ITPR1: variants seen among roughly 807,000 people sequenced by gnomAD.
ITPR1 encodes inositol 1,4,5-trisphosphate receptor type 1.
In ITPR1, 96 loss-of-function variants were observed where a neutral mutation model predicts 318.4. The ratio of observed to expected loss-of-function variants is 0.30; its 90% confidence interval spans 0.26 to 0.36. The LOEUF is 0.36. ITPR1 is among the 10% of genes least tolerant of loss of function. ITPR1 has a pLI of 1.00. For missense variants in ITPR1, 2,440 were observed against 3,460.2 expected (o/e 0.71, Z 7.40); for synonymous variants, 1,312 against 1,289.9 (o/e 1.02, Z -0.37).
chr3:4,495,464 G>A (rs540833366), intron 2 of ITPR1, among the ~76,000 whole-genome samples: 4 of 152,280 alleles, frequency 2.6e-5, no homozygotes, highest in South Asian at 2.1e-4. Flanking sequence ...GAGTACTGGC[G>A]GAGTGAGAAG....
Position 4,498,454 on chromosome 3 carries a change from A to G in ITPR1, c.-17+3948A>G, listed in dbSNP as rs114624817. Among the ~76,000 whole-genome samples, 1,444 of 152,292 alleles carry G rather than the reference A, an allele frequency of 9.5e-3. 23 individuals carry two copies. Among genetic ancestry groups the G allele is most frequent in the African/African-American group, 0.033 (1,365 of 41,564 alleles). On this transcript the variant is annotated intron_variant, in intron 2 of 61. Transcript: ENST00000649015. ...GGCCAGGGGAGAGTGCTAGGAGTTC[A>G]GGAGGGAGAGGGAGTCAAGGTCCAG... is the stretch of plus-strand genomic sequence containing the variant.
At position 4,836,664 on chromosome 3, in the gene ITPR1, C is replaced by A. The variant is rs183802415; in HGVS notation, c.8029-110C>A. 1.4e-3 allele frequency: 1,555 copies of A among 1,089,382 alleles called. 3 individuals are homozygous for A. Among genetic ancestry groups the A allele is most frequent in the Non-Finnish European group, 1.7e-3 (1,469 of 842,992 alleles). 67.5% of individuals were successfully genotyped at this position (1,089,382 alleles called of 1,614,324 possible). A position where few individuals can be genotyped will look rare whatever the true frequency, so the allele number is the denominator to read the frequency against. On this transcript the variant is annotated intron_variant, in intron 60 of 61. Coordinates refer to ENST00000649015, the MANE Select transcript of ITPR1 (RefSeq NM_001378452.1). The stretch of plus-strand genomic sequence containing the variant: ...TAAGTTCTGCCATAGAAGGAGATAA[C>A]CTAATGAGAGTTAGGAAACATGGCA...
intron 46 of ITPR1, among the ~76,000 whole-genome samples, chr3:4,773,971 T>C (rs2046337150): frequency 6.6e-6 from 1 of 152,250 alleles, no homozygotes; most frequent in Admixed American, 6.5e-5. Flanking sequence ...ACAAATGTTT[T>C]AATTATACAA....
intron 10 of ITPR1, among the ~76,000 whole-genome samples, chr3:4,651,484 G>A (rs183269184): frequency 6.6e-6 from 1 of 152,304 alleles, no homozygotes; most frequent in East Asian, 1.9e-4. Flanking sequence ...AGCTGGCCTT[G>A]TTTGTTTCCC....
chr3:4,564,347 T>G (rs2086999256), intron 4 of ITPR1, among the ~76,000 whole-genome samples: 1 of 152,246 alleles, frequency 6.6e-6, no homozygotes. Flanking sequence ...GCTGTATTTC[T>G]TCTGCCTTCA....
intron 4 of ITPR1, among the ~76,000 whole-genome samples, chr3:4,573,849 G>A (rs6785564): frequency 0.82 from 124,104 of 152,180 alleles, 51,149 homozygotes; most frequent in South Asian, 0.92. Context: ...TTCTGACATC[G>A]TAGTGTATTT....
chr3:4,571,554 G>A (rs1266445676), intron 4 of ITPR1, among the ~76,000 whole-genome samples: 1 of 152,004 alleles, frequency 6.6e-6, no homozygotes, highest in Middle Eastern at 3.2e-3. Context: ...GGCTGGTCTT[G>A]AACTCCTGGG....
chr3:4,612,574 T>C (rs1386879954), intron 4 of ITPR1, among the ~76,000 whole-genome samples: 1 of 152,006 alleles, frequency 6.6e-6, no homozygotes, highest in Non-Finnish European at 1.5e-5. Flanking sequence ...CTCATTTCAT[T>C]AGAGATTACA....
intron 5 of ITPR1, among the ~76,000 whole-genome samples, chr3:4,638,761 A>C (rs1251988692): frequency 6.6e-6 from 1 of 152,216 alleles, no homozygotes; most frequent in Non-Finnish European, 1.5e-5. Flanking sequence ...TAAAAGTGGG[A>C]TAATAATGTT....
intron 2 of ITPR1, among the ~76,000 whole-genome samples, chr3:4,512,884 C>T (rs1010731644): frequency 2.0e-5 from 3 of 152,046 alleles, no homozygotes; most frequent in Non-Finnish European, 2.9e-5. Context: ...GGGCAGAGAG[C>T]CAGGGTGGAG....
intron 44 of ITPR1, among the ~76,000 whole-genome samples, chr3:4,754,153 T>C (rs140270221): frequency 1.3e-5 from 2 of 152,112 alleles, no homozygotes; most frequent in East Asian, 3.9e-4. Context: ...TTGGTGTTGA[T>C]TCATTGTCCC....
chr3:4,800,139 A>G (rs2048131749), intron 53 of ITPR1: 1 of 423,540 alleles, frequency 2.4e-6, no homozygotes, highest in Non-Finnish European at 4.2e-6. Flanking sequence ...TTTTGTGGGG[A>G]GGAAGGGGAT....
In ITPR1 at chr3:4,683,686, T is replaced by C. The variant is rs750677771; in HGVS notation, c.3386T>C (p.Leu1129Ser). 6.2e-7 allele frequency: 1 copy of C among 1,614,022 alleles called. No individual in the cohort carries two copies. Among genetic ancestry groups the C allele is most frequent in the East Asian group, 2.2e-5 (1 of 44,880 alleles). Residue 1129 changes from leucine (L) to serine (S), a missense_variant, in exon 28 of 62, where the codon TTG becomes TCG. Physicochemically the swap from Leu to Ser is moderately radical, Grantham distance 145 (BLOSUM62 -2). Around this residue, in one of 23 missense-constraint regions of ITPR1, gnomAD observed 76 missense variants for 132.2 expected, o/e 0.58. Coordinates refer to ENST00000649015, the MANE Select transcript of ITPR1 (RefSeq NM_001378452.1). ...VDNYKQIKQD[L>S]DQLRSIVEKS... The stretch of plus-strand genomic sequence containing the variant: ...AACTACAAACAGATCAAACAAGACT[T>C]GGATCAACTGAGGTCCATCGTGGAA...
intron 12 of ITPR1, among the ~76,000 whole-genome samples, chr3:4,657,020 T>C (rs2093725793): frequency 6.6e-6 from 1 of 152,292 alleles, no homozygotes; most frequent in Non-Finnish European, 1.5e-5. Context: ...TCAGGAAAGT[T>C]TTCATCATTG....
At chr3:4,630,313 A>C (rs1485458834) in intron 5 of ITPR1, among the ~76,000 whole-genome samples, 1 of 152,040 alleles carries the variant, frequency 6.6e-6, no homozygotes, top group Non-Finnish European at 1.5e-5. Flanking sequence ...AAAGGGCTTC[A>C]AGCATAATCA....
intron 4 of ITPR1, among the ~76,000 whole-genome samples, chr3:4,522,311 A>G (rs986119109): frequency 6.6e-6 from 1 of 152,214 alleles, no homozygotes; most frequent in Non-Finnish European, 1.5e-5. Context: ...AAATCTTGCC[A>G]TTTGCAGATT....
chr3:4,680,637 A>AT lies in ITPR1; in HGVS notation c.3052_3053insT (p.Thr1018IlefsTer16). The stretch of plus-strand genomic sequence containing the variant: ...AGAGTTTGATGAAAGCAATTCCCAG[A>AT]CTTCAGAAACATCCTCCGGAAACAG... On this transcript the variant is annotated frameshift_variant, in exon 25 of 62. Coordinates refer to ENST00000649015, the MANE Select transcript of ITPR1 (RefSeq NM_001378452.1). LOFTEE classifies it high-confidence loss of function. 6.2e-7 allele frequency: 1 copy of AT among 1,613,874 alleles called. No individual in the cohort carries two copies. Among genetic ancestry groups the AT allele is most frequent in the Non-Finnish European group, 8.5e-7 (1 of 1,179,790 alleles).
chr3:4,795,495 TAAGAA>T (rs1477664781), intron 53 of ITPR1, among the ~76,000 whole-genome samples: 1 of 152,216 alleles, frequency 6.6e-6, no homozygotes, highest in Non-Finnish European at 1.5e-5. Flanking sequence ...TCAGAGCAGT[TAAGAA>T]ATCAGGCCAA....
At chr3:4,835,263 C>T (rs1299293024) in intron 60 of ITPR1, among the ~76,000 whole-genome samples, 1 of 152,186 alleles carries the variant, frequency 6.6e-6, no homozygotes, top group African/African-American at 2.4e-5. Context: ...TCAATGATCT[C>T]ACTTGAGTTG....
Sources: gnomAD v4.1 joint callset for allele counts (sites outside exome capture counted in the v4.1 genomes callset) on GRCh38, gnomAD v4.1.1 for gene constraint, gnomAD v4.1.1 regional missense constraint, MANE v1.5 for transcripts, NCBI Gene and HGNC (gene_info 2026-07-23, HGNC 2026-07-21) for gene names.